The following CLIP1 variants were observed in gnomAD, a reference collection of about 807,000 sequenced individuals.
The protein encoded by CLIP1 is CAP-Gly domain containing linker protein 1.
CLIP1 carries 66 observed loss-of-function variants against 161.6 expected under a neutral mutation model. The observed-to-expected ratio is 0.41, with a 90% CI of 0.33 to 0.50. The LOEUF is 0.50. Ranked by LOEUF, CLIP1 falls within the 20% of genes least tolerant of loss-of-function variation. The probability of loss-of-function intolerance (pLI) is 0.27; values close to 1 mark genes in which losing one functional copy is unlikely to be tolerated. For missense variants in CLIP1, 1,376 were observed against 1,702.0 expected (o/e 0.81, Z 3.37); for synonymous variants, 598 against 626.2 (o/e 0.96, Z 0.67).
intron 20 of CLIP1, among the ~76,000 whole-genome samples, chr12:122,295,535 C>A (rs1040755329): frequency 6.6e-6 from 1 of 152,152 alleles, no homozygotes; most frequent in African/African-American, 2.4e-5. Flanking sequence ...TAACACATAA[C>A]CTGTCCTGGA....
intron 21 of CLIP1, among the ~76,000 whole-genome samples, chr12:122,282,013 C>T (rs1955667505): frequency 6.6e-6 from 1 of 152,124 alleles, no homozygotes; most frequent in African/African-American, 2.4e-5. Context: ...TCTCTGGGGC[C>T]ACCAAACAAA....
At chr12:122,304,554 G>A (rs1950798798) in intron 20 of CLIP1, among the ~76,000 whole-genome samples, 1 of 152,126 alleles carries the variant, frequency 6.6e-6, no homozygotes, top group Non-Finnish European at 1.5e-5. Context: ...TAGAGATGGG[G>A]TTTCACCATG....
At chr12:122,354,612 A>C in intron 6 of CLIP1, 56 bp from the exon 7 acceptor site, 2 of 1,386,762 alleles carry the variant, frequency 1.4e-6, no homozygotes, top group Non-Finnish European at 2.0e-6. Context: ...ATACAGACCC[A>C]GTGATACTTC....
intron 1 of CLIP1, among the ~76,000 whole-genome samples, chr12:122,416,157 A>C (rs1956748892): frequency 6.6e-6 from 1 of 151,990 alleles, no homozygotes; most frequent in African/African-American, 2.4e-5. Context: ...GAATCGCTTG[A>C]ACCCGGGAGG....
At position 122,328,403 on chromosome 12, in the gene CLIP1, T is replaced by C. The variant is rs1951793118; in HGVS notation, c.2891A>G (p.Lys964Arg). ...KERDVEELQL[K>R]LTKANENASF... ...TGCATTTTCATTAGCCTTTGTAAGT[T>C]TTAGCTGTAATTCTTCTACATCTCT... is the stretch of plus-strand genomic sequence containing the variant. Residue 964 changes from lysine to arginine, a missense_variant, in exon 16 of 26, where the codon AAA (lysine) becomes AGA (arginine). Lys to Arg is a conservative substitution (Grantham distance 26). Around this residue, in one of 6 missense-constraint regions of CLIP1, gnomAD observed 948 missense variants for 1,134.8 expected, o/e 0.84. Coordinates refer to ENST00000620786, the MANE Select transcript of CLIP1 (RefSeq NM_001247997.2). 1 of 1,604,040 alleles carries C rather than the reference T, an allele frequency of 6.2e-7. No homozygotes were observed. Among genetic ancestry groups the C allele is most frequent in the East Asian group, 2.2e-5 (1 of 44,604 alleles).
intron 11 of CLIP1, among the ~76,000 whole-genome samples, chr12:122,338,696 AAC>A (rs1462320182): frequency 6.6e-6 from 1 of 152,202 alleles, no homozygotes; most frequent in East Asian, 1.9e-4. Context: ...CAGCCTGCGC[AAC>A]AGAGTGAGAC....
chr12:122,366,514 G>A (rs1165137626), intron 3 of CLIP1, among the ~76,000 whole-genome samples: 2 of 152,034 alleles, frequency 1.3e-5, no homozygotes, highest in African/African-American at 2.4e-5. Context: ...ATTTTCCACA[G>A]TGAGGCTCTC....
In CLIP1 at chr12:122,293,002, C is replaced by CAAAAAAAAAAA. The variant is rs57326141; in HGVS notation, c.3595-4472_3595-4462dup. Among the ~76,000 whole-genome samples the CAAAAAAAAAAA allele has an allele frequency of 3.2e-3, 138 of 43,532 alleles. 7 individuals carry two copies. The highest frequency in any genetic ancestry group is 0.014 in the African/African-American group (123 of 8,810). 28.6% of individuals were successfully genotyped at this position (43,532 alleles called of 152,430 possible). On this transcript the variant is annotated intron_variant, in intron 20 of 25. Transcript: ENST00000620786. ...TGGGCAAAAGAGCAAGACTCTGTCTCAAAAAAAAAAAAAAAAAAAAGGCAA... is the reference window on the plus strand; with the variant it reads ...TGGGCAAAAGAGCAAGACTCTGTCTCAAAAAAAAAAAAAAAAAAAAAAAAAAAAAAAGGCAA...
chr12:122,352,994 T>TAAA (rs55873939), intron 7 of CLIP1, among the ~76,000 whole-genome samples: 26 of 138,286 alleles, frequency 1.9e-4, no homozygotes, highest in African/African-American at 6.3e-4. Flanking sequence ...TCCTTATATT[T>TAAA]AAAAAAAAAA....
intron 1 of CLIP1, among the ~76,000 whole-genome samples, chr12:122,397,811 C>T (rs529573148): frequency 2.0e-5 from 3 of 150,960 alleles, no homozygotes; most frequent in African/African-American, 4.9e-5. Flanking sequence ...AAAAATTAGT[C>T]GAGAGTGGAG....
chr12:122,302,161 C>T (rs1433100563), intron 20 of CLIP1, among the ~76,000 whole-genome samples: 6 of 152,270 alleles, frequency 3.9e-5, no homozygotes, highest in East Asian at 3.9e-4. Context: ...AGTGTAATGG[C>T]GCTATCTCAG....
chr12:122,328,218 T>C, intron 16 of CLIP1, 43 bp downstream of exon 16: 1 of 1,613,444 alleles, frequency 6.2e-7, no homozygotes, highest in Non-Finnish European at 8.5e-7. Flanking sequence ...TACTATCCCT[T>C]GCCTTCCTTG....
intron 1 of CLIP1, among the ~76,000 whole-genome samples, chr12:122,412,284 G>T (rs779826585): frequency 2.0e-5 from 3 of 150,034 alleles, no homozygotes; most frequent in Admixed American, 6.6e-5. Flanking sequence ...GAGCTCACGG[G>T]ATCCATCCAC....
At chr12:122,411,180 C>G (rs915417734) in intron 1 of CLIP1, among the ~76,000 whole-genome samples, 100 of 152,196 alleles carry the variant, frequency 6.6e-4, no homozygotes, top group African/African-American at 2.2e-3. Flanking sequence ...CTTTGGGAGG[C>G]TGAGGTGGGC....
At chr12:122,276,710 C>A (rs1458764475) in intron 24 of CLIP1, 4 of 272,462 alleles carry the variant, frequency 1.5e-5, no homozygotes, top group Non-Finnish European at 2.9e-5. Flanking sequence ...CTAATACATA[C>A]AAAGTATATT....
At chr12:122,414,339 G>T (rs1470568455) in intron 1 of CLIP1, among the ~76,000 whole-genome samples, 1 of 151,874 alleles carries the variant, frequency 6.6e-6, no homozygotes, top group Non-Finnish European at 1.5e-5. Flanking sequence ...TGTAGAGACG[G>T]AAGTCTCAAT....
At position 122,333,153 on chromosome 12, in the gene CLIP1, T is replaced by A. The variant is rs758418613; in HGVS notation, c.2711-10A>T. The A allele has an allele frequency of 8.1e-6, 13 of 1,599,084 alleles. No individual in the cohort carries two copies. In the East Asian group the frequency reaches 2.2e-4, roughly 27 times the overall value. Reference sequence around the variant, plus strand: ...AATTTTGCCTCCATATCTAAATATATAGAGAAAAAAAGAATAGCACGGCTG... The same window carrying A: ...AATTTTGCCTCCATATCTAAATATAAAGAGAAAAAAAGAATAGCACGGCTG... On this transcript the variant is annotated splice_polypyrimidine_tract_variant and intron_variant, in intron 14 of 25. Coordinates refer to ENST00000620786, the MANE Select transcript of CLIP1 (RefSeq NM_001247997.2).
chr12:122,322,824 T>C (rs1951563623), intron 17 of CLIP1: 1 of 152,660 alleles, frequency 6.6e-6, no homozygotes, highest in African/African-American at 2.4e-5. Flanking sequence ...CTCAGCAAAA[T>C]GTTCTTCTCG....
At chr12:122,287,501 T>C (rs1216566931) in intron 21 of CLIP1, among the ~76,000 whole-genome samples, 1 of 152,328 alleles carries the variant, frequency 6.6e-6, no homozygotes, top group African/African-American at 2.4e-5. Context: ...TGTTGTAATA[T>C]GCACCCATTC....
Sources: gnomAD v4.1 joint callset for allele counts (sites outside exome capture counted in the v4.1 genomes callset) on GRCh38, gnomAD v4.1.1 for gene constraint, gnomAD v4.1.1 regional missense constraint, MANE v1.5 for transcripts, NCBI Gene and HGNC (gene_info 2026-07-23, HGNC 2026-07-21) for gene names.